ATOSA: variants seen among roughly 807,000 people sequenced by gnomAD.
ATOSA encodes the protein atos homolog A.
At chr15:52,603,955 G>C in the ATOSA span, among the ~76,000 whole-genome samples, 2 of 152,234 alleles carry the variant, frequency 1.3e-5, no homozygotes, top group Middle Eastern at 3.4e-3. Context: ...ATAATTTATC[G>C]TATATTTAAA....
the ATOSA span, among the ~76,000 whole-genome samples, chr15:52,612,043 G>T: frequency 6.6e-6 from 1 of 152,070 alleles, no homozygotes; most frequent in Non-Finnish European, 1.5e-5. Flanking sequence ...GGAGGGCAGT[G>T]GTGCAGTCTC....
chr15:52,673,377 TTAAGAGCA>T, the ATOSA span, among the ~76,000 whole-genome samples: 1 of 152,236 alleles, frequency 6.6e-6, no homozygotes, highest in Non-Finnish European at 1.5e-5. Flanking sequence ...GTCAGGGAGC[TTAAGAGCA>T]TATGCTCAAG....
At chr15:52,587,000 T>A in the ATOSA span, 3 of 1,480,308 alleles carry the variant, frequency 2.0e-6, no homozygotes, top group Non-Finnish European at 1.8e-6. Context: ...CAAATGGTCA[T>A]TCCTGGGGCA....
the ATOSA span, among the ~76,000 whole-genome samples, chr15:52,647,929 C>G: frequency 3.9e-5 from 6 of 152,086 alleles, no homozygotes; most frequent in African/African-American, 9.7e-5. Context: ...ACCCATGAAC[C>G]CTGTCTTCTT....
At chr15:52,600,619 C>T in the ATOSA span, among the ~76,000 whole-genome samples, 1 of 151,910 alleles carries the variant, frequency 6.6e-6, no homozygotes, top group African/African-American at 2.4e-5. Context: ...TAAAAGGTTT[C>T]GAGGTGGAAT....
At chr15:52,598,170 T>G in the ATOSA span, among the ~76,000 whole-genome samples, 1 of 152,018 alleles carries the variant, frequency 6.6e-6, no homozygotes, top group African/African-American at 2.4e-5. Flanking sequence ...TGTAGATATA[T>G]ATAGATACTT....
the ATOSA span, among the ~76,000 whole-genome samples, chr15:52,675,117 C>T: frequency 4.7e-3 from 722 of 152,210 alleles, 5 homozygotes; most frequent in Middle Eastern, 0.024. Flanking sequence ...TCATCTTTGG[C>T]AGTGTTACCC....
chr15:52,705,283 CT>C, the ATOSA span, among the ~76,000 whole-genome samples: 1 of 151,972 alleles, frequency 6.6e-6, no homozygotes, highest in South Asian at 2.1e-4. Flanking sequence ...CATGTTCTCA[CT>C]CATAAGTGGG....
the ATOSA span, among the ~76,000 whole-genome samples, chr15:52,633,638 T>C: frequency 6.6e-6 from 1 of 152,030 alleles, no homozygotes; most frequent in African/African-American, 2.4e-5. Context: ...TCCCATCAAT[T>C]AGATTTAAAA....
chr15:52,608,430 G>T, the ATOSA span: 1 of 752,746 alleles, frequency 1.3e-6, no homozygotes, highest in Non-Finnish European at 2.0e-6. Context: ...TACTAGTTCT[G>T]TAGGTTTATT....
At chr15:52,691,746 GA>G in the ATOSA span, among the ~76,000 whole-genome samples, 1 of 151,928 alleles carries the variant, frequency 6.6e-6, no homozygotes, top group Admixed American at 6.6e-5. Flanking sequence ...GAGGTGGGAG[GA>G]TCACTTGAGC....
chr15:52,611,842 A>G, the ATOSA span: 1 of 1,473,242 alleles, frequency 6.8e-7, no homozygotes, highest in East Asian at 2.3e-5. Context: ...TTAAAATAGA[A>G]AATTATCATT....
chr15:52,620,031 C>T, the ATOSA span, among the ~76,000 whole-genome samples: 1 of 152,052 alleles, frequency 6.6e-6, no homozygotes, highest in Non-Finnish European at 1.5e-5. Flanking sequence ...ACCAGGTTGT[C>T]TAGGAGCTAT....
At chr15:52,661,931 C>CAAAAAAAAAAAAAAAA in the ATOSA span, among the ~76,000 whole-genome samples, 3 of 73,252 alleles carry the variant, frequency 4.1e-5, no homozygotes, top group African/African-American at 6.0e-5. Flanking sequence ...CAAGCCAGGC[C>CAAAAAAAAAAAAAAAA]AAAAAAAAAA....
chr15:52,658,432 T>C, the ATOSA span: 3 of 265,498 alleles, frequency 1.1e-5, no homozygotes, highest in African/African-American at 2.2e-5. Context: ...TTTCAGTTTA[T>C]AAAGTACTTA....
the ATOSA span, among the ~76,000 whole-genome samples, chr15:52,628,904 T>A: frequency 1.3e-5 from 2 of 152,216 alleles, no homozygotes; most frequent in East Asian, 3.8e-4. Flanking sequence ...TTAACAAATA[T>A]ATTTTCTAGA....
chr15:52,685,221 A>C, the ATOSA span, among the ~76,000 whole-genome samples: 1 of 152,192 alleles, frequency 6.6e-6, no homozygotes, highest in Non-Finnish European at 1.5e-5. Context: ...TGTGCTTAGG[A>C]AACTTGCTGC....
chr15:52,619,481 AAC>A, the ATOSA span, among the ~76,000 whole-genome samples: 6,483 of 152,284 alleles, frequency 0.043, 246 homozygotes, highest in East Asian at 0.24. Flanking sequence ...CAAGAAAAAA[AAC>A]ACAAAAAATG....
At chr15:52,652,026 C>T in the ATOSA span, 15 of 1,501,632 alleles carry the variant, frequency 1.0e-5, no homozygotes, top group African/African-American at 1.4e-5. Context: ...GTGCTGATCC[C>T]GCTTCCCTCC....
Sources: allele counts gnomAD v4.1 joint callset (sites outside exome capture counted in the v4.1 genomes callset), GRCh38; gene constraint gnomAD v4.1.1; transcripts MANE v1.5; gene names NCBI Gene and HGNC (gene_info 2026-07-23, HGNC 2026-07-21).